CORO2A: variants seen among roughly 807,000 people sequenced by gnomAD.
CORO2A encodes the protein coronin-2A.
CORO2A carries 47 observed loss-of-function variants against 62.4 expected under a neutral mutation model. The observed-to-expected ratio is 0.75, with a 90% CI of 0.60 to 0.96. The LOEUF (loss-of-function observed/expected upper bound fraction) is 0.96. Among genes scored for constraint, CORO2A ranks in the 40% least tolerant of loss-of-function variants. The pLI is 0.00. For synonymous variants in CORO2A, 273 were observed against 268.9 expected, an observed-to-expected ratio of 1.02 and a Z score of -0.15; for missense variants, 610 against 684.1, an observed-to-expected ratio of 0.89 and a Z score of 1.21.
At chr9:98,171,230 C>A (rs542972526) in intron 1 of CORO2A, among the ~76,000 whole-genome samples, 8 of 152,316 alleles carry the variant, frequency 5.3e-5, no homozygotes, top group Non-Finnish European at 1.0e-4. Flanking sequence ...AGAGAGGAAG[C>A]GCGCCTTGCT....
intron 2 of CORO2A, among the ~76,000 whole-genome samples, chr9:98,146,413 G>A (rs748317479): frequency 2.6e-5 from 4 of 152,200 alleles, no homozygotes; most frequent in Non-Finnish European, 5.9e-5. Context: ...GCAAGAGGGA[G>A]GGACCCTGCC....
intron 2 of CORO2A, among the ~76,000 whole-genome samples, chr9:98,146,379 C>A (rs1262266447): frequency 6.6e-6 from 1 of 152,212 alleles, no homozygotes; most frequent in African/African-American, 2.4e-5. Flanking sequence ...CTCCCTCTAA[C>A]CAGCTCACCC....
intron 4 of CORO2A, 125 bp downstream of exon 4, chr9:98,134,681 T>G: frequency 2.6e-6 from 3 of 1,132,436 alleles, no homozygotes; most frequent in Non-Finnish European, 3.7e-6. Context: ...TGGAGGGAGC[T>G]GGCTCTCCCA....
chr9:98,167,155 G>C lies in CORO2A; in HGVS notation c.1-9495C>G, dbSNP rs1366097786. ...AAAAAGGAAGAAAGTCTTGAGACAT[G>C]CTGTAACATGGATGAACTTTGAGGG... On this transcript the variant is annotated intron_variant, in intron 1 of 11. Transcript: ENST00000375077. Among the ~76,000 whole-genome samples the C allele has an allele frequency of 2.0e-5, 3 of 151,600 alleles. No homozygotes were observed. In the East Asian group the frequency reaches 5.8e-4, roughly 29 times the overall value.
At position 98,124,734 on chromosome 9, in the gene CORO2A, G is replaced by C; in HGVS notation, c.*40C>G. 2 of 1,559,072 alleles carry C rather than the reference G, an allele frequency of 1.3e-6. No homozygotes were observed. The highest frequency in any genetic ancestry group is 2.3e-5 in the East Asian group (1 of 43,620). ...TGGTTCTAAACCTCCCCATGGAGCC[G>C]AGTGGTGTCCCTGAGGGTGAGGAGG... On this transcript the variant is annotated 3_prime_UTR_variant, in exon 12 of 12. Transcript: ENST00000375077.
intron 1 of CORO2A, among the ~76,000 whole-genome samples, chr9:98,162,690 T>C (rs944360143): frequency 3.3e-5 from 5 of 152,264 alleles, no homozygotes; most frequent in African/African-American, 7.2e-5. Flanking sequence ...AGGAAGTTCA[T>C]GAGCGCCTGT....
intron 1 of CORO2A, among the ~76,000 whole-genome samples, chr9:98,174,271 G>A (rs1355284272): frequency 6.6e-6 from 1 of 152,232 alleles, no homozygotes; most frequent in Non-Finnish European, 1.5e-5. Context: ...TTCCTAAGCT[G>A]TAAGCTGGGG....
At chr9:98,152,156 C>A (rs373091886) in intron 2 of CORO2A, among the ~76,000 whole-genome samples, 1,597 of 147,468 alleles carry the variant, frequency 0.011, 28 homozygotes, top group African/African-American at 0.036. Context: ...CTTTAAGGGA[C>A]ATTTTTATTG....
intron 2 of CORO2A, among the ~76,000 whole-genome samples, chr9:98,144,223 C>T (rs2118841521): frequency 6.6e-6 from 1 of 151,958 alleles, no homozygotes; most frequent in South Asian, 2.1e-4. Flanking sequence ...TCTTTAGAAA[C>T]CATAATCTAG....
chr9:98,134,623 G>GCCA (rs145822385), intron 4 of CORO2A, among the ~76,000 whole-genome samples, 183 bp downstream of exon 4: 1,982 of 152,292 alleles, frequency 0.013, 32 homozygotes, highest in African/African-American at 0.044. Context: ...GATGCCTGGA[G>GCCA]CCACCAGAAG....
intron 1 of CORO2A, among the ~76,000 whole-genome samples, chr9:98,174,721 A>G (rs1828085325): frequency 6.6e-6 from 1 of 152,100 alleles, no homozygotes. Flanking sequence ...CCCTGTGAAG[A>G]AGGTGCCAGC....
chr9:98,129,124 T>G (rs1165678475), intron 8 of CORO2A, among the ~76,000 whole-genome samples: 3 of 151,980 alleles, frequency 2.0e-5, no homozygotes, highest in Non-Finnish European at 2.9e-5. Flanking sequence ...GAGTCTCACT[T>G]TGTTGCCCAG....
chr9:98,132,750 C>A (rs531278785), intron 5 of CORO2A, among the ~76,000 whole-genome samples: 56 of 152,336 alleles, frequency 3.7e-4, no homozygotes, highest in Non-Finnish European at 7.2e-4. Flanking sequence ...GACCCCCTGG[C>A]CAGAGCTGAG....
chr9:98,181,293 C>A (rs143675715), intron 1 of CORO2A, among the ~76,000 whole-genome samples: 2 of 150,580 alleles, frequency 1.3e-5, no homozygotes, highest in Non-Finnish European at 2.9e-5. Flanking sequence ...CATCACTAAT[C>A]CCAGCCTCCT....
At chr9:98,189,259 A>G (rs1168673915) in intron 1 of CORO2A, among the ~76,000 whole-genome samples, 1 of 152,034 alleles carries the variant, frequency 6.6e-6, no homozygotes, top group African/African-American at 2.4e-5. Flanking sequence ...AAAGTCACCT[A>G]CTCCTGGCCC....
intron 2 of CORO2A, among the ~76,000 whole-genome samples, chr9:98,145,653 T>C (rs1235738906): frequency 6.6e-6 from 1 of 152,220 alleles, no homozygotes; most frequent in African/African-American, 2.4e-5. Flanking sequence ...GGGAGGCATC[T>C]GAGCAGCGGA....
intron 2 of CORO2A, among the ~76,000 whole-genome samples, chr9:98,150,165 T>G (rs1306533401): frequency 3.3e-5 from 5 of 152,126 alleles, no homozygotes; most frequent in Admixed American, 2.6e-4. Context: ...ACTCCTGACC[T>G]CGTGATCTGC....
chr9:98,162,118 A>C lies in CORO2A; in HGVS notation c.1-4458T>G, dbSNP rs145456233. ...CTACCTTGCTCCCCCGTTCAGATGT[A>C]GGTGTTCAGGCCAGTAACCGGGTCA... On this transcript the variant is annotated intron_variant, in intron 1 of 11. Transcript: ENST00000375077. Among the ~76,000 whole-genome samples the C allele has an allele frequency of 2.8e-3, 428 of 152,326 alleles. 1 individual carries two copies. Among genetic ancestry groups the C allele is most frequent in the African/African-American group, 9.4e-3 (390 of 41,566 alleles).
chr9:98,138,477 T>G (rs1453977805), intron 2 of CORO2A, among the ~76,000 whole-genome samples: 1 of 150,746 alleles, frequency 6.6e-6, no homozygotes, highest in African/African-American at 2.4e-5. Context: ...TATCAGAAAG[T>G]GGAAACAACC....
Sources: gnomAD v4.1 joint callset for allele counts (sites outside exome capture counted in the v4.1 genomes callset) on GRCh38, gnomAD v4.1.1 for gene constraint, MANE v1.5 for transcripts, NCBI Gene and HGNC (gene_info 2026-07-23, HGNC 2026-07-21) for gene names.